The following CNTN1 variants were observed in gnomAD, a reference collection of about 807,000 sequenced individuals.
The protein encoded by CNTN1 is contactin 1.
A neutral mutation model predicts 126.4 loss-of-function variants in CNTN1; 38 were observed. The observed-to-expected ratio is 0.30, with a 90% CI of 0.23 to 0.39. CNTN1 has a LOEUF of 0.39. Ranked by LOEUF, CNTN1 falls within the 10% of genes least tolerant of loss-of-function variation. The probability of loss-of-function intolerance (pLI) is 1.00; values close to 1 mark genes in which losing one functional copy is unlikely to be tolerated. For synonymous variants in CNTN1, 413 were observed against 422.6 expected, an observed-to-expected ratio of 0.98 and a Z score of 0.28; for missense variants, 1,009 against 1,248.4, an observed-to-expected ratio of 0.81 and a Z score of 2.89.
chr12:41,040,767 A>G (rs1239976500), intron 23 of CNTN1, among the ~76,000 whole-genome samples: 21 of 151,030 alleles, frequency 1.4e-4, no homozygotes, highest in Admixed American at 1.2e-3. Flanking sequence ...TTGATTTTGT[A>G]TCCTGAGACT....
intron 1 of CNTN1, among the ~76,000 whole-genome samples, chr12:40,898,074 T>G (rs191391261): frequency 7.2e-4 from 110 of 152,288 alleles, no homozygotes; most frequent in South Asian, 4.8e-3. Flanking sequence ...TTGCCAAGTA[T>G]GGAACAATAA....
At chr12:40,720,976 T>TATATATA (rs762942012) in intron 1 of CNTN1, among the ~76,000 whole-genome samples, 94 of 151,018 alleles carry the variant, frequency 6.2e-4, no homozygotes, top group Non-Finnish European at 1.1e-3. Flanking sequence ...TGTATATATG[T>TATATATA]TATAACATAT....
intron 17 of CNTN1, among the ~76,000 whole-genome samples, chr12:40,993,807 T>G (rs1349489180): frequency 3.3e-5 from 5 of 152,154 alleles, no homozygotes; most frequent in African/African-American, 1.2e-4. Flanking sequence ...TTCCTAACAT[T>G]TAAGGATAAG....
intron 1 of CNTN1, among the ~76,000 whole-genome samples, chr12:40,698,275 G>A (rs1177494993): frequency 4.4e-5 from 5 of 114,204 alleles, no homozygotes; most frequent in Non-Finnish European, 4.9e-5. Context: ...TCGCTCTGTC[G>A]CCCAGGCTGG....
chr12:40,972,546 T>C (rs910606193), intron 15 of CNTN1: 4 of 795,972 alleles, frequency 5.0e-6, no homozygotes, highest in Admixed American at 6.3e-5. Context: ...CTTAAATTAT[T>C]ATATGTGTGT....
rs1050241511 is a variant in CNTN1 at position 40,962,069 on chromosome 12, G to A, written c.1804+2835G>A. On this transcript the variant is annotated intron_variant, in intron 15 of 23. Transcript: ENST00000551295. The stretch of plus-strand genomic sequence containing the variant: ...GGGAAAGCAATTTCATCTGAGGATC[G>A]CTAAAAAATTTTTTATAACAAAATT... 6.6e-5 allele frequency among the ~76,000 whole-genome samples: 10 copies of A among 151,994 alleles called. No homozygotes were observed. The South Asian group carries it at 1.4e-3, about 22-fold the overall frequency.
rs569596062 is a variant in CNTN1, at chr12:41,042,675, A to G, written c.2980+13456A>G. On this transcript the variant is annotated intron_variant, in intron 23 of 23. Coordinates refer to ENST00000551295, the MANE Select transcript of CNTN1 (RefSeq NM_001843.4). The stretch of plus-strand genomic sequence containing the variant: ...TTTAAAGTTCATATGGAACCAAAAA[A>G]GAGCCTGCATTGCCAAGTCAATCCT... Among the ~76,000 whole-genome samples, 4 of 152,268 alleles carry G rather than the reference A, an allele frequency of 2.6e-5. No homozygotes were observed. The East Asian group carries it at 7.7e-4, about 29-fold the overall frequency.
At chr12:41,043,846 G>T (rs568844208) in intron 23 of CNTN1, among the ~76,000 whole-genome samples, 2 of 150,556 alleles carry the variant, frequency 1.3e-5, no homozygotes, top group African/African-American at 2.4e-5. Context: ...CATGTCCTTT[G>T]TAGGGACATG....
intron 1 of CNTN1, among the ~76,000 whole-genome samples, chr12:40,707,046 G>GCGCGCACA (rs1381751022): frequency 1.3e-5 from 2 of 149,314 alleles, no homozygotes; most frequent in Admixed American, 1.3e-4. Context: ...GCGCGCTTGC[G>GCGCGCACA]CACACACACA....
intron 14 of CNTN1, among the ~76,000 whole-genome samples, chr12:40,954,877 C>A (rs1402766156): frequency 6.6e-6 from 1 of 152,094 alleles, no homozygotes; most frequent in Non-Finnish European, 1.5e-5. Context: ...GCTTGAAGTA[C>A]TGCCAACCAG....
chr12:40,972,607 A>G (rs978901220), intron 15 of CNTN1: 17 of 848,472 alleles, frequency 2.0e-5, no homozygotes, highest in Non-Finnish European at 2.0e-5. Context: ...TCATAAAGAA[A>G]TAAATGTCTC....
intron 1 of CNTN1, among the ~76,000 whole-genome samples, chr12:40,725,125 G>A (rs1166606279): frequency 2.6e-5 from 4 of 152,172 alleles, no homozygotes; most frequent in African/African-American, 9.7e-5. Flanking sequence ...AATTGGGCCA[G>A]GTGTGGTGGC....
intron 1 of CNTN1, among the ~76,000 whole-genome samples, chr12:40,841,952 C>G (rs1942299655): frequency 6.6e-6 from 1 of 151,758 alleles, no homozygotes; most frequent in Admixed American, 6.6e-5. Flanking sequence ...GCATTATAAA[C>G]ATGTAATAAA....
At chr12:40,980,211 T>C (rs946811158) in intron 15 of CNTN1, among the ~76,000 whole-genome samples, 19 of 152,026 alleles carry the variant, frequency 1.2e-4, no homozygotes, top group African/African-American at 4.3e-4. Context: ...GGCATGAGGA[T>C]CACTTGAGCC....
intron 23 of CNTN1, among the ~76,000 whole-genome samples, chr12:41,068,291 C>A (rs560168967): frequency 6.6e-6 from 1 of 152,244 alleles, no homozygotes; most frequent in East Asian, 1.9e-4. Flanking sequence ...ACATAATGAG[C>A]CAACATAGTC....
At chr12:41,046,789 C>T (rs1253474636) in intron 23 of CNTN1, among the ~76,000 whole-genome samples, 1 of 150,774 alleles carries the variant, frequency 6.6e-6, no homozygotes, top group Non-Finnish European at 1.5e-5. Context: ...CTCCTCCCAA[C>T]TCCAGCAGTT....
chr12:40,707,227 C>CTTTCTTTTTTTTT (rs1941782156), intron 1 of CNTN1, among the ~76,000 whole-genome samples: 1 of 109,166 alleles, frequency 9.2e-6, no homozygotes, highest in African/African-American at 3.8e-5. Context: ...TTTTCTTTTT[C>CTTTCTTTTTTTTT]TTTTTTTTTT....
At chr12:40,932,510 T>C (rs1411397959) in intron 7 of CNTN1, among the ~76,000 whole-genome samples, 3 of 152,036 alleles carry the variant, frequency 2.0e-5, no homozygotes, top group Non-Finnish European at 4.4e-5. Flanking sequence ...TATTACCTAT[T>C]GAGAAAATTC....
chr12:40,709,358 C>T (rs1941851924), intron 1 of CNTN1, among the ~76,000 whole-genome samples: 1 of 152,176 alleles, frequency 6.6e-6, no homozygotes, highest in African/African-American at 2.4e-5. Flanking sequence ...ATGCTACATC[C>T]AGACTTTGTT....
Sources: allele counts gnomAD v4.1 joint callset (sites outside exome capture counted in the v4.1 genomes callset), GRCh38; gene constraint gnomAD v4.1.1; transcripts MANE v1.5; gene names NCBI Gene and HGNC (gene_info 2026-07-23, HGNC 2026-07-21).